Variants in NFE2L2 observed in about 807,000 individuals in gnomAD.
NFE2L2 encodes nuclear factor erythroid 2-related factor 2.
In NFE2L2, 20 loss-of-function variants were observed where a neutral mutation model predicts 49.6. That is an observed-to-expected ratio of 0.40 (90% CI 0.28 to 0.59). The LOEUF is 0.59. Ranked by LOEUF, NFE2L2 falls within the 20% of genes least tolerant of loss-of-function variation. The pLI is 0.40. For synonymous variants in NFE2L2, 244 were observed against 256.5 expected, an observed-to-expected ratio of 0.95 and a Z score of 0.47; for missense variants, 578 against 714.2, an observed-to-expected ratio of 0.81 and a Z score of 2.17.
At chr2:177,253,483 G>A (rs1402464726) in intron 1 of NFE2L2, among the ~76,000 whole-genome samples, 1 of 152,212 alleles carries the variant, frequency 6.6e-6, no homozygotes, top group Non-Finnish European at 1.5e-5. Flanking sequence ...GATACGTGCT[G>A]CATTATCTTG....
intron 1 of NFE2L2, among the ~76,000 whole-genome samples, chr2:177,253,274 TTTATA>T (rs1433537668): frequency 6.6e-6 from 1 of 152,178 alleles, no homozygotes; most frequent in African/African-American, 2.4e-5. Flanking sequence ...CACAGACTAG[TTTATA>T]TTAAATATCA....
At chr2:177,238,309 C>T (rs1689824842) in intron 1 of NFE2L2, among the ~76,000 whole-genome samples, 1 of 152,188 alleles carries the variant, frequency 6.6e-6, no homozygotes, top group African/African-American at 2.4e-5. Flanking sequence ...GCAAAGTATC[C>T]TTACAACCAA....
intron 3 of NFE2L2, chr2:177,232,856 GCA>G (rs1196660589): frequency 4.0e-6 from 2 of 498,728 alleles, no homozygotes; most frequent in Non-Finnish European, 7.1e-6. Context: ...ATAATATCTA[GCA>G]CAGTGGTACT....
In NFE2L2 at chr2:177,259,911, G is replaced by A. The variant is rs188213163; in HGVS notation, c.45+4621C>T. Reference sequence around the variant, plus strand: ...CATGCCACTGCACTCCAGCCTGGGCGACAGAGCAAGACTGCGTCTCAAAAA... The same window carrying A: ...CATGCCACTGCACTCCAGCCTGGGCAACAGAGCAAGACTGCGTCTCAAAAA... On this transcript the variant is annotated intron_variant, in intron 1 of 4. Transcript: ENST00000397062. Among the ~76,000 whole-genome samples the A allele has an allele frequency of 1.8e-3, 270 of 151,892 alleles. 5 individuals are homozygous for A. In the East Asian group the frequency reaches 0.038, roughly 21 times the overall value.
intron 1 of NFE2L2, 91 bp downstream of exon 1, chr2:177,264,441 C>T (rs1424668908): frequency 4.4e-6 from 6 of 1,349,592 alleles, no homozygotes; most frequent in Non-Finnish European, 5.0e-6. Context: ...TGGGGGAAGC[C>T]GGTTGCGGCT....
chr2:177,263,263 C>T (rs1230050575), intron 1 of NFE2L2: 2 of 637,874 alleles, frequency 3.1e-6, no homozygotes, highest in Non-Finnish European at 3.9e-6. Context: ...AGAGGGGGAA[C>T]ATGTTAAGAA....
chr2:177,257,280 T>C (rs1375558675), intron 1 of NFE2L2, among the ~76,000 whole-genome samples: 1 of 152,236 alleles, frequency 6.6e-6, no homozygotes, highest in African/African-American at 2.4e-5. Flanking sequence ...CTGTCCTCAC[T>C]GGCTTCTCTC....
At chr2:177,242,766 T>C in intron 1 of NFE2L2, among the ~76,000 whole-genome samples, 1 of 152,192 alleles carries the variant, frequency 6.6e-6, no homozygotes. Context: ...AAGAGGCACA[T>C]GCAGAGTTCG....
chr2:177,242,439 G>T (rs185180616), intron 1 of NFE2L2, among the ~76,000 whole-genome samples: 14 of 152,262 alleles, frequency 9.2e-5, no homozygotes, highest in Non-Finnish European at 2.1e-4. Flanking sequence ...ACACAAAGAC[G>T]TATTATTCAA....
intron 1 of NFE2L2, among the ~76,000 whole-genome samples, chr2:177,239,283 T>C (rs1461703037): frequency 6.6e-6 from 1 of 152,196 alleles, no homozygotes; most frequent in East Asian, 1.9e-4. Flanking sequence ...AAATGACATC[T>C]AATTGCTCTT....
intron 1 of NFE2L2, among the ~76,000 whole-genome samples, chr2:177,262,096 G>T (rs529400288): frequency 6.6e-6 from 1 of 152,174 alleles, no homozygotes; most frequent in African/African-American, 2.4e-5. Context: ...TTTTTAATGC[G>T]TAAAAGACTG....
rs748491229 is a variant in NFE2L2 at position 177,231,309 on chromosome 2, C to T, written c.1294G>A (p.Val432Ile). 3 of 1,614,264 alleles carry T rather than the reference C, an allele frequency of 1.9e-6. No homozygotes were observed. The highest frequency in any genetic ancestry group is 2.5e-6 in the Non-Finnish European group (3 of 1,180,046). The change falls in exon 5 of 5, where the codon GTA becomes ATA. Residue 432 changes from valine (V) to isoleucine (I), a missense_variant. Transcript: ENST00000397062. ...CENTPEKELP[V>I]SPGHRKTPFT... ...GGGGTTTTCCGATGACCAGGACTTACAGGCAATTCTTTCTCTGGTGTGTTC... is the reference window on the plus strand; with the variant it reads ...GGGGTTTTCCGATGACCAGGACTTATAGGCAATTCTTTCTCTGGTGTGTTC...
At chr2:177,264,293 C>A in intron 1 of NFE2L2, 1 of 477,848 alleles carries the variant, frequency 2.1e-6, no homozygotes, top group Non-Finnish European at 3.7e-6. Flanking sequence ...CAGACCTTCC[C>A]GCAACTTCCC....
chr2:177,242,909 T>C (rs1290493416), intron 1 of NFE2L2, among the ~76,000 whole-genome samples: 2 of 150,842 alleles, frequency 1.3e-5, no homozygotes, highest in African/African-American at 2.5e-5. Flanking sequence ...GTTTTTTTTT[T>C]GTTTTTTTTT....
chr2:177,264,249 CT>C (rs1558995289), intron 1 of NFE2L2: 1 of 370,212 alleles, frequency 2.7e-6, no homozygotes, highest in East Asian at 4.3e-5. Context: ...CGGCTGGATT[CT>C]CCCCCAAGGC....
At chr2:177,236,373 G>T (rs1689751350) in intron 1 of NFE2L2, among the ~76,000 whole-genome samples, 1 of 152,182 alleles carries the variant, frequency 6.6e-6, no homozygotes, top group African/African-American at 2.4e-5. Flanking sequence ...AATATATATT[G>T]TAAAGCACAC....
chr2:177,248,138 G>C (rs1340914627), intron 1 of NFE2L2, among the ~76,000 whole-genome samples: 1 of 152,162 alleles, frequency 6.6e-6, no homozygotes, highest in Non-Finnish European at 1.5e-5. Context: ...AGGATCCTGA[G>C]GCCTGAGATG....
At position 177,258,345 on chromosome 2, in the gene NFE2L2, T is replaced by TGATTCCATTTACATGC. The variant is rs535493712; in HGVS notation, c.45+6171_45+6186dup. ...CAGCAACAGAAGGATAAATACTGTA[T>TGATTCCATTTACATGC]GATTCCATTTACATGCTATTCCATT... On this transcript the variant is annotated intron_variant, in intron 1 of 4. Coordinates refer to ENST00000397062, the MANE Select transcript of NFE2L2 (RefSeq NM_006164.5). 1.8e-3 allele frequency among the ~76,000 whole-genome samples: 267 copies of TGATTCCATTTACATGC among 152,358 alleles called. 4 individuals carry two copies. The East Asian group carries it at 0.037, about 21-fold the overall frequency.
In NFE2L2 at chr2:177,231,921, AATG is replaced by A. The variant is rs1035583151; in HGVS notation, c.679_681del (p.His227del). ...TCCATTGAGGGTATAGATGAGTAAA[AATG>A]ATAATTGTCAACTTCTGTCAGTTTG... is the stretch of plus-strand genomic sequence containing the variant. On this transcript the variant is annotated inframe_deletion, in exon 5 of 5. Coordinates refer to ENST00000397062, the MANE Select transcript of NFE2L2 (RefSeq NM_006164.5). 6.8e-6 allele frequency: 11 copies of A among 1,614,158 alleles called. No individual in the cohort carries two copies. The highest frequency in any genetic ancestry group is 9.3e-6 in the Non-Finnish European group (11 of 1,180,000).
Sources: gnomAD v4.1 joint callset for allele counts (sites outside exome capture counted in the v4.1 genomes callset) on GRCh38, gnomAD v4.1.1 for gene constraint, MANE v1.5 for transcripts, NCBI Gene and HGNC (gene_info 2026-07-23, HGNC 2026-07-21) for gene names.